MYH15: variants seen among roughly 807,000 people sequenced by gnomAD.
The protein encoded by MYH15 is myosin heavy chain 15, also known as myosin-15.
MYH15 carries 227 observed loss-of-function variants against 240.5 expected under a neutral mutation model. That is an observed-to-expected ratio of 0.94 (90% CI 0.85 to 1.05). The LOEUF (loss-of-function observed/expected upper bound fraction) is 1.05, where lower values mean the gene tolerates loss of function less well. MYH15 is among the 50% of genes least tolerant of loss of function. The probability of loss-of-function intolerance (pLI) is 0.00; values close to 1 mark genes in which losing one functional copy is unlikely to be tolerated. For missense variants in MYH15, 2,217 were observed against 2,247.5 expected (o/e 0.99, Z 0.27); for synonymous variants, 785 against 796.7 (o/e 0.99, Z 0.25).
Position 108,411,023 on chromosome 3 carries a change from G to A in MYH15, c.4146-91C>T, listed in dbSNP as rs915884388. 1.1e-5 allele frequency: 12 copies of A among 1,119,430 alleles called. No homozygotes were observed. The African/African-American group carries it at 1.7e-4, about 16-fold the overall frequency. 69.3% of individuals were successfully genotyped at this position (1,119,430 alleles called of 1,614,324 possible). A position where few individuals can be genotyped will look rare whatever the true frequency, so the allele number is the denominator to read the frequency against. ...CCTGGATTAAAGATAGAGCTTGGGT[G>A]CAAAGTAAGATGGCGCCTCTGCAGT... On this transcript the variant is annotated intron_variant, in intron 30 of 40. Transcript: ENST00000693548.
At chr3:108,482,097 G>C (rs923722218) in intron 11 of MYH15, among the ~76,000 whole-genome samples, 5 of 152,282 alleles carry the variant, frequency 3.3e-5, no homozygotes, top group Admixed American at 3.3e-4. Context: ...ATGGTGATAA[G>C]TTGTGAGCTT....
At chr3:108,438,182 CCCCTGGCATCACTGG>C in intron 24 of MYH15, among the ~76,000 whole-genome samples, 1 of 152,272 alleles carries the variant, frequency 6.6e-6, no homozygotes, top group African/African-American at 2.4e-5. Flanking sequence ...TTGCAAGAAC[CCCCTGGCATCACTGG>C]CCCATTCAAA....
rs773110770 is a variant in MYH15 at position 108,441,078 on chromosome 3, G to A, written c.2838C>T (p.Ile946=). The A allele has an allele frequency of 1.9e-6, 3 of 1,614,140 alleles. No homozygotes were observed. The highest frequency in any genetic ancestry group is 1.7e-5 in the Admixed American group (1 of 60,018). Residue 946 remains isoleucine (I), a synonymous_variant, in exon 23 of 41, where the codon ATC becomes ATT. Transcript: ENST00000693548. The part of the protein sequence containing the change: ...EDECFELKKE[I]DDLETMLVKS... Reference sequence around the variant, plus strand: ...TCACCAACATTGTTTCCAGGTCATCGATTTCTTTCTTCAACTCAAAACATT... The same window carrying A: ...TCACCAACATTGTTTCCAGGTCATCAATTTCTTTCTTCAACTCAAAACATT...
chr3:108,464,555 T>G (rs2083097337), intron 15 of MYH15, 83 bp downstream of exon 15: 2 of 1,314,734 alleles, frequency 1.5e-6, no homozygotes, highest in Admixed American at 2.4e-5. Context: ...AAACATTACT[T>G]AAATATCATC....
At chr3:108,487,550 C>T (rs1020250239) in intron 9 of MYH15, among the ~76,000 whole-genome samples, 4 of 152,124 alleles carry the variant, frequency 2.6e-5, no homozygotes, top group African/African-American at 9.7e-5. Flanking sequence ...ATGATTTTGT[C>T]TTTAAACATT....
intron 26 of MYH15, among the ~76,000 whole-genome samples, chr3:108,429,668 T>C (rs549158801): frequency 4.6e-5 from 7 of 152,316 alleles, no homozygotes; most frequent in African/African-American, 1.7e-4. Context: ...TAGATTAGGA[T>C]AGGGGAGAAA....
upstream of MYH15, among the ~76,000 whole-genome samples, chr3:108,531,188 G>T (rs146221267): frequency 1.7e-4 from 26 of 152,284 alleles, 1 homozygote; most frequent in East Asian, 5.0e-3. Flanking sequence ...ACAGAGAAAT[G>T]AGAAACCTAA....
chr3:108,468,622 T>C (rs961267277), intron 14 of MYH15, among the ~76,000 whole-genome samples: 2 of 152,222 alleles, frequency 1.3e-5, no homozygotes, highest in African/African-American at 2.4e-5. Context: ...TGGTCAGTAA[T>C]TTTTTCTCAT....
intron 38 of MYH15, among the ~76,000 whole-genome samples, chr3:108,385,955 A>G (rs1036355424): frequency 2.6e-5 from 4 of 152,186 alleles, no homozygotes; most frequent in Admixed American, 2.0e-4. Context: ...GTAGATATTA[A>G]TAATTACTAA....
chr3:108,470,164 G>A lies in MYH15; in HGVS notation c.1432C>T (p.Gln478Ter). The A allele has an allele frequency of 1.2e-6, 2 of 1,609,352 alleles. No homozygotes were observed. The highest frequency in any genetic ancestry group is 1.1e-5 in the South Asian group (1 of 90,198). Reference sequence around the variant, plus strand: ...AACATGTGCCAATTGAAGAATTGTTGTAATTTTTCATTGGTAAAATTAATG... The same window carrying A: ...AACATGTGCCAATTGAAGAATTGTTATAATTTTTCATTGGTAAAATTAATG... ...LCINFTNEKL[Q>*]QFFNWHMFVL... The change falls in exon 14 of 41, where the codon CAA becomes TAA. Residue 478 changes from glutamine to a stop codon, truncating the protein, a stop_gained. Transcript: ENST00000693548. LOFTEE classifies it high-confidence loss of function.
At chr3:108,533,118 CTTTT>C (rs10561890), upstream of MYH15, among the ~76,000 whole-genome samples, 628 of 97,670 alleles carry the variant, frequency 6.4e-3, 3 homozygotes, top group African/African-American at 0.021. Context: ...ACAATAAAAG[CTTTT>C]TTTTTTTTTT....
At chr3:108,524,183 A>G (rs2083647585) in intron 1 of MYH15, among the ~76,000 whole-genome samples, 1 of 152,036 alleles carries the variant, frequency 6.6e-6, no homozygotes, top group Non-Finnish European at 1.5e-5. Flanking sequence ...ATATGAAAGT[A>G]CTTTTTCCTG....
intron 9 of MYH15, among the ~76,000 whole-genome samples, chr3:108,492,199 T>TACACAC (rs2083353551): frequency 2.8e-5 from 1 of 35,706 alleles, no homozygotes; most frequent in African/African-American, 1.0e-4. Context: ...TTAATGCTTT[T>TACACAC]ATACACACAC....
rs774418341 is a variant in MYH15 at position 108,441,224 on chromosome 3, C to G, written c.2692G>C (p.Glu898Gln). The change falls in exon 23 of 41, where the codon GAG becomes CAG. Residue 898 changes from glutamate to glutamine, a missense_variant. Transcript: ENST00000693548. ...TGGATCTTGGATTTAATCAGCCACT[C>G]GCACTGCTCTTCAACATTTGCCAGT... ...ETLANVEEQC[E>Q]WLIKSKIQLE... The G allele has an allele frequency of 3.1e-6, 5 of 1,614,104 alleles. No homozygotes were observed. Among genetic ancestry groups the G allele is most frequent in the South Asian group, 1.1e-5 (1 of 91,086 alleles).
chr3:108,520,761 ATTAAG>A (rs1267521052), intron 1 of MYH15, among the ~76,000 whole-genome samples: 3 of 152,282 alleles, frequency 2.0e-5, no homozygotes, highest in East Asian at 1.9e-4. Flanking sequence ...ATTTGGAGCA[ATTAAG>A]TTAAGGGTCT....
intron 1 of MYH15, among the ~76,000 whole-genome samples, chr3:108,527,278 T>C (rs905556965): frequency 4.6e-5 from 7 of 152,048 alleles, no homozygotes; most frequent in African/African-American, 1.7e-4. Context: ...ATTAGTGAAT[T>C]CTCATCAGAT....
At chr3:108,434,632 T>C (rs1471541922) in intron 25 of MYH15, among the ~76,000 whole-genome samples, 3 of 152,198 alleles carry the variant, frequency 2.0e-5, no homozygotes, top group Non-Finnish European at 4.4e-5. Flanking sequence ...TGACATAATA[T>C]TTCACGATTT....
At chr3:108,419,054 A>C (rs1233819008) in intron 28 of MYH15, among the ~76,000 whole-genome samples, 1 of 152,152 alleles carries the variant, frequency 6.6e-6, no homozygotes, top group Non-Finnish European at 1.5e-5. Context: ...TGCTGGTCCA[A>C]AAACATCTTA....
In MYH15 at chr3:108,454,037, G is replaced by C. The variant is rs201762535; in HGVS notation, c.2368C>G (p.Arg790Gly). 5 of 1,611,132 alleles carry C rather than the reference G, an allele frequency of 3.1e-6. No individual in the cohort carries two copies. The highest frequency in any genetic ancestry group is 4.2e-6 in the Non-Finnish European group (5 of 1,177,974). The change falls in exon 21 of 41, where the codon CGA becomes GGA. Residue 790 changes from arginine to glycine, a missense_variant. Transcript: ENST00000693548. ...TCCAGAATCTTCTGGAATTTGATTC[G>C]CATCAGTTTGCCCTGTGCTCTGGCT... ...FQARAQGKLM[R>G]IKFQKILEER...
Sources: allele counts gnomAD v4.1 joint callset (sites outside exome capture counted in the v4.1 genomes callset), GRCh38; gene constraint gnomAD v4.1.1; transcripts MANE v1.5; gene names NCBI Gene and HGNC (gene_info 2026-07-23, HGNC 2026-07-21).